PCDH11X: variants seen among roughly 807,000 people sequenced by gnomAD.
PCDH11X encodes the protein protocadherin-11 X-linked.
Under a neutral mutation model 53.3 loss-of-function variants are expected in PCDH11X, and 18 were observed. The ratio of observed to expected loss-of-function variants is 0.34; its 90% confidence interval spans 0.23 to 0.50. The LOEUF (loss-of-function observed/expected upper bound fraction) is 0.50. Among genes scored for constraint, PCDH11X ranks in the 20% least tolerant of loss-of-function variants. The pLI is 0.98. For synonymous variants in PCDH11X, 279 were observed against 393.3 expected (o/e 0.71, Z 3.44); for missense variants, 570 against 1,032.4 (o/e 0.55, Z 6.14).
chrX:92,090,089 T>G (rs1301275444), intron 6 of PCDH11X, among the ~76,000 whole-genome samples: 1 of 111,057 alleles, frequency 9.0e-6, no homozygotes, highest in Non-Finnish European at 1.9e-5. Flanking sequence ...CCTACTTCAT[T>G]TAACTTTTCT....
At chrX:92,135,497 G>T (rs1000370191) in intron 6 of PCDH11X, among the ~76,000 whole-genome samples, 36 of 110,643 alleles carry the variant, frequency 3.3e-4, no homozygotes, top group African/African-American at 1.2e-3. Flanking sequence ...TCTTTTTTTG[G>T]TGAGAGGAAG....
chrX:92,295,944 A>G (rs1249548467), intron 8 of PCDH11X, among the ~76,000 whole-genome samples: 1 of 109,691 alleles, frequency 9.1e-6, no homozygotes, highest in South Asian at 4.0e-4. Flanking sequence ...TTAGCTGGGC[A>G]TGGTGGCATA....
At chrX:91,966,193 G>C (rs1160336163) in intron 6 of PCDH11X, among the ~76,000 whole-genome samples, 1 of 107,972 alleles carries the variant, frequency 9.3e-6, no homozygotes, top group Non-Finnish European at 1.9e-5. Flanking sequence ...CATTTCCTGA[G>C]GAAGGAATGC....
chrX:92,000,444 T>C (rs2062490716), intron 6 of PCDH11X, among the ~76,000 whole-genome samples: 2 of 108,731 alleles, frequency 1.8e-5, no homozygotes, highest in African/African-American at 6.7e-5. Flanking sequence ...AAATTATTTT[T>C]GTGGGTACAT....
chrX:92,137,904 A>G (rs1024791780), intron 6 of PCDH11X, among the ~76,000 whole-genome samples: 1 of 109,604 alleles, frequency 9.1e-6, no homozygotes, highest in African/African-American at 3.3e-5. Context: ...GGTTTGTTAC[A>G]TAGGTAAACC....
At chrX:92,274,234 A>G (rs1226614950) in intron 8 of PCDH11X, among the ~76,000 whole-genome samples, 1 of 109,800 alleles carries the variant, frequency 9.1e-6, no homozygotes, top group East Asian at 3.0e-4. Flanking sequence ...AGTATTGTCC[A>G]GTCCTCTTTA....
chrX:92,523,495 G>A (rs139251169), intron 10 of PCDH11X, among the ~76,000 whole-genome samples: 2 of 111,856 alleles, frequency 1.8e-5, no homozygotes, highest in Non-Finnish European at 3.8e-5. Flanking sequence ...GTTGAATGAC[G>A]ATTGAAATTT....
chrX:92,357,010 C>T (rs2070225352), intron 8 of PCDH11X, among the ~76,000 whole-genome samples: 2 of 110,930 alleles, frequency 1.8e-5, no homozygotes, highest in African/African-American at 6.6e-5. Flanking sequence ...TACTGAATGC[C>T]AAGAGCAGGT....
At chrX:92,089,929 T>C (rs2064021908) in intron 6 of PCDH11X, among the ~76,000 whole-genome samples, 2 of 105,938 alleles carry the variant, frequency 1.9e-5, no homozygotes, top group South Asian at 8.7e-4. Flanking sequence ...AGAGGCTGAT[T>C]CAGTATTTTA....
At chrX:91,829,169 T>G (rs1233537639) in intron 4 of PCDH11X, among the ~76,000 whole-genome samples, 1 of 110,511 alleles carries the variant, frequency 9.0e-6, no homozygotes, top group Non-Finnish European at 1.9e-5. Flanking sequence ...CATAGATAAT[T>G]TAAACACTAA....
chrX:92,369,452 G>A (rs994207255), intron 8 of PCDH11X, among the ~76,000 whole-genome samples: 10 of 111,786 alleles, frequency 8.9e-5, no homozygotes, highest in Non-Finnish European at 1.3e-4. Flanking sequence ...GCTGGGCTCC[G>A]TGGGAGTGGG....
chrX:91,847,410 G>C (rs1199381677), intron 5 of PCDH11X, among the ~76,000 whole-genome samples: 1 of 110,517 alleles, frequency 9.0e-6, no homozygotes, highest in African/African-American at 3.3e-5. Flanking sequence ...TATTAGGATG[G>C]GTATATCATT....
At chrX:92,421,353 CAT>C (rs1348606438) in intron 9 of PCDH11X, among the ~76,000 whole-genome samples, 1 of 111,668 alleles carries the variant, frequency 9.0e-6, no homozygotes, top group Admixed American at 9.5e-5. Context: ...ATAGTGAGAA[CAT>C]GTGGTATTTG....
chrX:92,241,905 A>G (rs747896462), intron 7 of PCDH11X, among the ~76,000 whole-genome samples: 1 of 111,233 alleles, frequency 9.0e-6, no homozygotes, highest in South Asian at 3.8e-4. Context: ...TCATTTGTAT[A>G]TATGTGTGTA....
chrX:91,905,372 C>T (rs1452259548), intron 6 of PCDH11X, among the ~76,000 whole-genome samples: 4 of 110,423 alleles, frequency 3.6e-5, no homozygotes, highest in Non-Finnish European at 5.7e-5. Context: ...AGTCAGCTTT[C>T]ATGATGTGTA....
chrX:92,394,083 T>C (rs945391241), intron 9 of PCDH11X, among the ~76,000 whole-genome samples: 3 of 110,898 alleles, frequency 2.7e-5, no homozygotes, highest in African/African-American at 9.8e-5. Flanking sequence ...AATTGAAAAA[T>C]GACTGCTAAT....
rs776502743 is a variant in PCDH11X at position 92,171,044 on chromosome X, C to T, written c.3034-30331C>T. On this transcript the variant is annotated intron_variant, in intron 6 of 10. Coordinates refer to ENST00000682573, the MANE Select transcript of PCDH11X (RefSeq NM_032968.5). The stretch of plus-strand genomic sequence containing the variant: ...AGGCTGCTCTCAAAACTTTTGGCCT[C>T]GAGCAATCCTCCTGCCTCCCAAAGC... Among the ~76,000 whole-genome samples the T allele has an allele frequency of 3.9e-5, 4 of 102,714 alleles. No homozygotes were observed. The East Asian group carries it at 9.4e-4, about 24-fold the overall frequency. The allele number at this position is 102,714 out of a possible 115,157, so 89.2% of individuals were successfully genotyped here.
At chrX:92,160,061 A>G (rs1034032479) in intron 6 of PCDH11X, among the ~76,000 whole-genome samples, 4 of 110,573 alleles carry the variant, frequency 3.6e-5, no homozygotes, top group Non-Finnish European at 7.6e-5. Flanking sequence ...CCGTTCATAC[A>G]TTTTATTTAA....
At chrX:92,079,458 G>A (rs1426568880) in intron 6 of PCDH11X, among the ~76,000 whole-genome samples, 1 of 110,795 alleles carries the variant, frequency 9.0e-6, no homozygotes, top group African/African-American at 3.3e-5. Context: ...GCAATGTAGT[G>A]CAAGAAGCTC....
Sources: allele counts gnomAD v4.1 joint callset (sites outside exome capture counted in the v4.1 genomes callset), GRCh38; gene constraint gnomAD v4.1.1; transcripts MANE v1.5; gene names NCBI Gene and HGNC (gene_info 2026-07-23, HGNC 2026-07-21).